The following NOL4 variants were observed in gnomAD, a reference collection of about 807,000 sequenced individuals.
NOL4 encodes cancer/testis antigen 125.
Under a neutral mutation model 75.9 loss-of-function variants are expected in NOL4, and 17 were observed. The observed-to-expected ratio is 0.22, with a 90% CI of 0.15 to 0.34. NOL4 has a LOEUF of 0.34. Ranked by LOEUF, NOL4 falls within the 10% of genes least tolerant of loss-of-function variation. NOL4 has a pLI of 1.00. For missense variants in NOL4, 614 were observed against 793.5 expected, an observed-to-expected ratio of 0.77 and a Z score of 2.72; for synonymous variants, 292 against 289.9, an observed-to-expected ratio of 1.01 and a Z score of -0.07.
rs774936266 is a variant in NOL4, at chr18:33,958,415, G to A, written c.1060C>T (p.Pro354Ser). ...REARENGSKS[P>S]AHSYSSYDSG... ...TCATAGCTGGAGTAACTATGTGCAG[G>A]AGACTGAAAAGAGAAGGTGAAATAA... Residue 354 changes from proline to serine, a missense_variant, in exon 7 of 11, where the codon CCT (proline) becomes TCT (serine). By Grantham distance (74) the Pro-to-Ser change is moderately conservative. This residue lies in a region of NOL4 where 196 missense variants were observed against 167.9 expected (regional missense o/e 1.17). Transcript: ENST00000261592. The A allele has an allele frequency of 2.5e-6, 4 of 1,601,050 alleles. No individual in the cohort carries two copies. The highest frequency in any genetic ancestry group is 3.4e-6 in the Non-Finnish European group (4 of 1,173,366).
chr18:33,907,880 A>G lies in NOL4; in HGVS notation c.1543-24456T>C, dbSNP rs2145093143. On this transcript the variant is annotated intron_variant, in intron 9 of 10. Transcript: ENST00000261592. ...TATGTATACATTATTGGTCAAGGCT[A>G]AAATAAACTCATAGGTGTTAATGCT... 2.0e-5 allele frequency among the ~76,000 whole-genome samples: 3 copies of G among 152,340 alleles called. No individual in the cohort carries two copies. In the South Asian group the frequency reaches 6.2e-4, roughly 32 times the overall value.
rs564070758 is a variant in NOL4, at chr18:33,892,174, T to C, written c.1543-8750A>G. Reference sequence around the variant, plus strand: ...GGCCAGTTGCAGTCGCTCATGCCTGTAATCCCAATGCTTGGGAGGCTGAGG... The same window carrying C: ...GGCCAGTTGCAGTCGCTCATGCCTGCAATCCCAATGCTTGGGAGGCTGAGG... On this transcript the variant is annotated intron_variant, in intron 9 of 10. Transcript: ENST00000261592. Among the ~76,000 whole-genome samples the C allele has an allele frequency of 1.0e-3, 154 of 152,204 alleles. 1 individual carries two copies. In the South Asian group the frequency reaches 0.018, roughly 17 times the overall value.
At chr18:33,926,223 G>A (rs757841370) in intron 9 of NOL4, among the ~76,000 whole-genome samples, 24 of 151,764 alleles carry the variant, frequency 1.6e-4, no homozygotes, top group South Asian at 4.2e-4. Context: ...AGCTGGGTGC[G>A]GTGACACGCA....
intron 5 of NOL4, among the ~76,000 whole-genome samples, chr18:34,082,506 C>T (rs1050262405): frequency 2.5e-4 from 38 of 152,172 alleles, no homozygotes; most frequent in African/African-American, 9.1e-4. Flanking sequence ...TTAGAAATGC[C>T]TTTTAAAAAT....
intron 5 of NOL4, among the ~76,000 whole-genome samples, chr18:34,038,879 C>G (rs1200717796): frequency 6.6e-6 from 1 of 152,020 alleles, no homozygotes; most frequent in East Asian, 1.9e-4. Context: ...TTCAAAATAG[C>G]TAGAAGAGAG....
intron 6 of NOL4, among the ~76,000 whole-genome samples, chr18:34,013,179 A>T (rs953286935): frequency 2.0e-5 from 3 of 152,022 alleles, no homozygotes; most frequent in Non-Finnish European, 4.4e-5. Context: ...TCCCAATATC[A>T]AAACTGATAT....
chr18:34,069,630 T>G (rs1327603679), intron 5 of NOL4, among the ~76,000 whole-genome samples: 1 of 151,658 alleles, frequency 6.6e-6, no homozygotes, highest in Admixed American at 6.6e-5. Context: ...AAATAAAATT[T>G]TAAAAGAAGA....
In NOL4 at chr18:33,883,407, A is replaced by C. The variant is rs78761172; in HGVS notation, c.1560T>G (p.Ala520=). ...LERQQDESAP[A]DKQCKPEATQ... is the part of the protein sequence containing the mutation. ...TCGCCTCTGGTTTACACTGTTTGTC[A>C]GCTGGAGCAGACTCATCCTGCAAGG... The change falls in exon 10 of 11, where the codon GCT becomes GCG. Residue 520 remains alanine (A), a synonymous_variant. Coordinates refer to ENST00000261592, the MANE Select transcript of NOL4 (RefSeq NM_003787.5). The C allele has an allele frequency of 7.2e-5, 116 of 1,608,288 alleles. No individual in the cohort carries two copies. The African/African-American group carries it at 1.5e-3, about 21-fold the overall frequency.
At chr18:34,096,985 G>A (rs1367844148) in intron 4 of NOL4, among the ~76,000 whole-genome samples, 1 of 151,858 alleles carries the variant, frequency 6.6e-6, no homozygotes, top group African/African-American at 2.4e-5. Context: ...TCCTGATTTC[G>A]CCTGCTATTG....
chr18:34,118,500 G>A (rs760457653), intron 2 of NOL4, among the ~76,000 whole-genome samples: 4 of 152,124 alleles, frequency 2.6e-5, no homozygotes, highest in Non-Finnish European at 5.9e-5. Flanking sequence ...AAGCCTGTGT[G>A]TCCTGATTCA....
intron 6 of NOL4, among the ~76,000 whole-genome samples, chr18:33,961,735 T>C (rs887605571): frequency 2.6e-5 from 4 of 152,014 alleles, no homozygotes; most frequent in African/African-American, 4.8e-5. Context: ...GTAGAGGCCA[T>C]CCATTCATCA....
Position 33,989,190 on chromosome 18 carries a change from C to CAAA in NOL4, c.1056+30125_1056+30127dup, listed in dbSNP as rs55924436. Among the ~76,000 whole-genome samples, 24 of 65,102 alleles carry CAAA rather than the reference C, an allele frequency of 3.7e-4. 1 individual carries two copies. The highest frequency in any genetic ancestry group is 3.4e-3 in the South Asian group (4 of 1,180). The allele number at this position is 65,102 out of a possible 152,430, so 42.7% of individuals were successfully genotyped here. ...GTGACAGAGTGAGACCCCATCTCTA[C>CAAA]AAAAAAAAAAAAAAAAAAAAAAAAA... On this transcript the variant is annotated intron_variant, in intron 6 of 10. Coordinates refer to ENST00000261592, the MANE Select transcript of NOL4 (RefSeq NM_003787.5).
chr18:33,867,557 G>A (rs909414164), intron 10 of NOL4, among the ~76,000 whole-genome samples: 2 of 151,860 alleles, frequency 1.3e-5, no homozygotes, highest in African/African-American at 2.4e-5. Flanking sequence ...GCATTTTGGA[G>A]GTTTTCGTCT....
chr18:34,206,462 A>G (rs2146525686), intron 1 of NOL4, among the ~76,000 whole-genome samples: 1 of 152,212 alleles, frequency 6.6e-6, no homozygotes, highest in South Asian at 2.1e-4. Context: ...AAATTAATTC[A>G]TGGTTTTTCT....
chr18:33,959,710 G>C (rs1044402059), intron 6 of NOL4, among the ~76,000 whole-genome samples: 1 of 152,042 alleles, frequency 6.6e-6, no homozygotes, highest in Non-Finnish European at 1.5e-5. Context: ...TTAGTACTTA[G>C]AACAACTGCA....
intron 5 of NOL4, among the ~76,000 whole-genome samples, chr18:34,051,894 G>A (rs948379154): frequency 6.6e-6 from 1 of 151,714 alleles, no homozygotes; most frequent in Non-Finnish European, 1.5e-5. Flanking sequence ...TAGAAATAGG[G>A]ATAAAATTTT....
chr18:34,143,494 C>T (rs1157508215), intron 1 of NOL4, among the ~76,000 whole-genome samples: 1 of 152,034 alleles, frequency 6.6e-6, no homozygotes, highest in African/African-American at 2.4e-5. Context: ...ATACTTTTCT[C>T]AATATTTTTT....
intron 1 of NOL4, among the ~76,000 whole-genome samples, chr18:34,220,496 T>C (rs1276965890): frequency 1.3e-5 from 2 of 152,126 alleles, no homozygotes; most frequent in African/African-American, 4.8e-5. Flanking sequence ...TAAGAGAAAA[T>C]ATATTTTTGT....
At chr18:33,982,112 C>T (rs1026751659) in intron 6 of NOL4, among the ~76,000 whole-genome samples, 4 of 151,960 alleles carry the variant, frequency 2.6e-5, no homozygotes, top group African/African-American at 9.7e-5. Context: ...AATAAAATTG[C>T]ATACGGCAGG....
Sources: allele counts gnomAD v4.1 joint callset (sites outside exome capture counted in the v4.1 genomes callset), GRCh38; gene constraint gnomAD v4.1.1; regional missense constraint gnomAD v4.1.1; transcripts MANE v1.5; gene names NCBI Gene and HGNC (gene_info 2026-07-23, HGNC 2026-07-21).